PRKCH: variants seen among roughly 807,000 people sequenced by gnomAD.
PRKCH encodes protein kinase C eta.
A neutral mutation model predicts 82.5 loss-of-function variants in PRKCH; 28 were observed. That is an observed-to-expected ratio of 0.34 (90% CI 0.25 to 0.47). PRKCH has a LOEUF of 0.47. Ranked by LOEUF, PRKCH falls within the 20% of genes least tolerant of loss-of-function variation. The pLI is 1.00. For synonymous variants in PRKCH, 322 were observed against 327.4 expected (o/e 0.98, Z 0.18); for missense variants, 705 against 881.8 (o/e 0.80, Z 2.54).
intron 1 of PRKCH, among the ~76,000 whole-genome samples, chr14:61,201,222 G>T (rs185593985): frequency 6.6e-6 from 1 of 152,196 alleles, no homozygotes; most frequent in African/African-American, 2.4e-5. Context: ...TATGTGTCAG[G>T]TACTGTGCTA....
intron 10 of PRKCH, among the ~76,000 whole-genome samples, chr14:61,527,266 A>G (rs911712222): frequency 8.4e-5 from 2 of 23,816 alleles, no homozygotes; most frequent in Non-Finnish European, 1.9e-4. Context: ...GCTTTCAACC[A>G]GTCTCCATAA....
At chr14:61,447,836 G>C (rs1262688878) in intron 4 of PRKCH, among the ~76,000 whole-genome samples, 1 of 152,144 alleles carries the variant, frequency 6.6e-6, no homozygotes, top group African/African-American at 2.4e-5. Flanking sequence ...CATACAGTAG[G>C]AAAGTAGAAA....
At chr14:61,227,414 A>G (rs1476159770) in intron 1 of PRKCH, among the ~76,000 whole-genome samples, 1 of 152,180 alleles carries the variant, frequency 6.6e-6, no homozygotes, top group Admixed American at 6.5e-5. Flanking sequence ...TAACACGGTG[A>G]AACCCCGTCT....
rs566630780 is a variant in PRKCH, at chr14:61,312,089, A to AT, written c.-19+124424dup. 6.4e-3 allele frequency among the ~76,000 whole-genome samples: 982 copies of AT among 152,270 alleles called. 5 individuals are homozygous for AT. The highest frequency in any genetic ancestry group is 0.041 in the Middle Eastern group (12 of 294). On this transcript the variant is annotated intron_variant, in intron 1 of 3. Transcript: ENST00000555185. Reference sequence around the variant, plus strand: ...TGTAGGGATTATAATTCAAGATGAGATTTGAGTGGGGACACAGAGTCAAGC... The same window carrying AT: ...TGTAGGGATTATAATTCAAGATGAGATTTTGAGTGGGGACACAGAGTCAAGC...
At chr14:61,466,520 G>C (rs1476475014) in intron 9 of PRKCH, among the ~76,000 whole-genome samples, 2 of 152,150 alleles carry the variant, frequency 1.3e-5, no homozygotes, top group Non-Finnish European at 2.9e-5. Context: ...AGGGATGGAG[G>C]GGGGCTATCA....
chr14:61,469,264 A>G (rs1885394471), intron 9 of PRKCH, among the ~76,000 whole-genome samples: 1 of 152,230 alleles, frequency 6.6e-6, no homozygotes, highest in African/African-American at 2.4e-5. Context: ...AACTCATTCT[A>G]ATTAGGAAGA....
intron 1 of PRKCH, among the ~76,000 whole-genome samples, chr14:61,246,013 G>C (rs2044877303): frequency 6.6e-6 from 1 of 152,138 alleles, no homozygotes. Context: ...CCTGATATAA[G>C]ACCCTCTTTA....
chr14:61,370,907 T>C (rs1210458259), intron 1 of PRKCH, among the ~76,000 whole-genome samples: 1 of 152,042 alleles, frequency 6.6e-6, no homozygotes, highest in Non-Finnish European at 1.5e-5. Context: ...AAATGGGATG[T>C]GCTGTGACAC....
In PRKCH at chr14:61,225,312, G is replaced by A. The variant is rs138180197; in HGVS notation, c.-19+37644G>A. On this transcript the variant is annotated intron_variant, in intron 1 of 3. Transcript: ENST00000555185. ...TTTTAACCTATTTCTATGTTATCAC[G>A]GACTCCTGCACTGTAGGCTTGGGAA... Among the ~76,000 whole-genome samples the A allele has an allele frequency of 8.5e-4, 129 of 152,260 alleles. No individual in the cohort carries two copies. In the East Asian group the frequency reaches 0.012, roughly 14 times the overall value.
intron 1 of PRKCH, among the ~76,000 whole-genome samples, chr14:61,356,945 G>T (rs554607035): frequency 6.6e-6 from 1 of 152,290 alleles, no homozygotes; most frequent in African/African-American, 2.4e-5. Flanking sequence ...GCCTCCCAAA[G>T]TGCTGGGATT....
At chr14:61,310,037 C>A (rs1416115738) in intron 1 of PRKCH, among the ~76,000 whole-genome samples, 2 of 152,112 alleles carry the variant, frequency 1.3e-5, no homozygotes, top group Admixed American at 6.6e-5. Flanking sequence ...GAACCGCCCC[C>A]CCTCCGTGAT....
intron 1 of PRKCH, among the ~76,000 whole-genome samples, chr14:61,270,614 A>G (rs1594883744): frequency 6.6e-6 from 1 of 152,298 alleles, no homozygotes; most frequent in Middle Eastern, 3.4e-3. Flanking sequence ...CTTAGGAATG[A>G]ATTATTCTAA....
At chr14:61,188,353 T>C (rs2044378867) in intron 1 of PRKCH, among the ~76,000 whole-genome samples, 1 of 152,182 alleles carries the variant, frequency 6.6e-6, no homozygotes, top group Non-Finnish European at 1.5e-5. Flanking sequence ...GCTCAGCTTC[T>C]GCCCCCGCCC....
chr14:61,493,714 G>A (rs10136863), intron 10 of PRKCH, among the ~76,000 whole-genome samples: 1,595 of 151,900 alleles, frequency 0.011, 23 homozygotes, highest in African/African-American at 0.036. Flanking sequence ...TTACTTTTAC[G>A]TGCGGGTGGG....
intron 1 of PRKCH, among the ~76,000 whole-genome samples, chr14:61,340,456 C>G (rs923557260): frequency 6.6e-6 from 1 of 152,160 alleles, no homozygotes; most frequent in African/African-American, 2.4e-5. Context: ...GTCTCGTCAA[C>G]TTTTAAGTCT....
At chr14:61,292,736 A>G (rs2045374403) in intron 1 of PRKCH, among the ~76,000 whole-genome samples, 1 of 135,082 alleles carries the variant, frequency 7.4e-6, no homozygotes, top group African/African-American at 2.8e-5. Flanking sequence ...GAGCTGCTGC[A>G]CTCCAGCCTG....
intron 1 of PRKCH, among the ~76,000 whole-genome samples, chr14:61,373,815 C>G (rs1184184989): frequency 6.6e-6 from 1 of 152,048 alleles, no homozygotes; most frequent in African/African-American, 2.4e-5. Flanking sequence ...GTTGGCCAGG[C>G]TGGTCGCAAA....
intron 9 of PRKCH, among the ~76,000 whole-genome samples, chr14:61,483,925 C>T (rs1886092940): frequency 1.3e-5 from 2 of 152,276 alleles, no homozygotes; most frequent in Non-Finnish European, 2.9e-5. Context: ...CCTGTAGTCC[C>T]AACTACTCCA....
chr14:61,212,397 A>G (rs1224845489), intron 1 of PRKCH, among the ~76,000 whole-genome samples: 1 of 152,218 alleles, frequency 6.6e-6, no homozygotes, highest in Admixed American at 6.5e-5. Context: ...TAAAAAACCT[A>G]CAGAAAATGG....
Sources: gnomAD v4.1 joint callset for allele counts (sites outside exome capture counted in the v4.1 genomes callset) on GRCh38, gnomAD v4.1.1 for gene constraint, MANE v1.5 for transcripts, NCBI Gene and HGNC (gene_info 2026-07-23, HGNC 2026-07-21) for gene names.